Variants in WDPCP observed in about 807,000 individuals in gnomAD.
WDPCP encodes WD repeat containing planar cell polarity effector, also known as WD repeat-containing and planar cell polarity effector protein fritz homolog.
WDPCP carries 71 observed loss-of-function variants against 93.1 expected under a neutral mutation model. The observed-to-expected ratio is 0.76, with a 90% CI of 0.63 to 0.93. WDPCP has a LOEUF of 0.93. Ranked by LOEUF, WDPCP falls within the 40% of genes least tolerant of loss-of-function variation. The probability of loss-of-function intolerance (pLI) is 0.00; values close to 1 mark genes in which losing one functional copy is unlikely to be tolerated. For synonymous variants in WDPCP, 315 were observed against 315.0 expected (o/e 1.00, Z 0.00); for missense variants, 844 against 887.4 (o/e 0.95, Z 0.62).
At chr2:63,356,947 A>G (rs1690058642) in intron 12 of WDPCP, among the ~76,000 whole-genome samples, 1 of 152,214 alleles carries the variant, frequency 6.6e-6, no homozygotes, top group African/African-American at 2.4e-5. Flanking sequence ...AGTGAAACAG[A>G]AGAGAGAGAC....
At chr2:63,389,323 A>G (rs1427655394) in intron 10 of WDPCP, among the ~76,000 whole-genome samples, 1 of 152,210 alleles carries the variant, frequency 6.6e-6, no homozygotes, top group East Asian at 1.9e-4. Context: ...AAAAAGAAAT[A>G]AAATCCTTTA....
chr2:63,547,910 A>T (rs1454188860), intron 1 of WDPCP, among the ~76,000 whole-genome samples: 2 of 152,160 alleles, frequency 1.3e-5, no homozygotes, highest in Non-Finnish European at 2.9e-5. Context: ...TCTATTACAC[A>T]TTTCAAAATA....
intron 12 of WDPCP, among the ~76,000 whole-genome samples, chr2:63,330,724 T>G (rs770391206): frequency 1.6e-4 from 24 of 152,210 alleles, no homozygotes; most frequent in Non-Finnish European, 1.9e-4. Flanking sequence ...GTTTTATGTT[T>G]AAGTCTTTAA....
At chr2:63,776,074 TATACATACATACATACATAC>T (rs59262674) in intron 2 of WDPCP, among the ~76,000 whole-genome samples, 5 of 146,912 alleles carry the variant, frequency 3.4e-5, no homozygotes, top group African/African-American at 5.0e-5. Context: ...TAAATACACA[TATACATACATACATACATAC>T]ATACATACAT....
chr2:63,278,171 A>T, intron 13 of WDPCP, among the ~76,000 whole-genome samples: 1 of 152,280 alleles, frequency 6.6e-6, no homozygotes, highest in Non-Finnish European at 1.5e-5. Flanking sequence ...CTTTAGGTTA[A>T]CAATGAAATC....
intron 8 of WDPCP, among the ~76,000 whole-genome samples, chr2:63,435,525 A>G (rs1697077141): frequency 6.6e-6 from 1 of 152,154 alleles, no homozygotes; most frequent in African/African-American, 2.4e-5. Flanking sequence ...GATTTGCTGC[A>G]TAAGTGTGTT....
At chr2:63,626,725 G>A (rs1260610410) in intron 3 of WDPCP, among the ~76,000 whole-genome samples, 5 of 152,302 alleles carry the variant, frequency 3.3e-5, no homozygotes, top group African/African-American at 1.2e-4. Flanking sequence ...TACACTGTTG[G>A]TGGGAATGTA....
At chr2:63,515,407 C>A (rs1427689661) in intron 1 of WDPCP, among the ~76,000 whole-genome samples, 2 of 152,110 alleles carry the variant, frequency 1.3e-5, no homozygotes, top group South Asian at 2.1e-4. Context: ...ATGTGGCACA[C>A]TCAAAAGTAC....
chr2:63,592,809 G>C (rs867889103), upstream of WDPCP, among the ~76,000 whole-genome samples: 3 of 152,008 alleles, frequency 2.0e-5, no homozygotes, highest in South Asian at 6.2e-4. Flanking sequence ...GACAGGTGTT[G>C]TTCTAGGCAA....
rs1211422253 is a variant in WDPCP at position 63,588,279 on chromosome 2, C to T, written c.-8G>A. On this transcript the variant is annotated 5_prime_UTR_variant, in exon 1 of 18. Coordinates refer to ENST00000272321, the MANE Select transcript of WDPCP (RefSeq NM_015910.7). ...GCAAAACTCTCGCCTCATCACCAGA[C>T]ACTACCCCGGGCAGAAGGTTCCTAG... 1.9e-6 allele frequency: 3 copies of T among 1,571,050 alleles called. No homozygotes were observed. Among genetic ancestry groups the T allele is most frequent in the Middle Eastern group, 1.7e-4 (1 of 6,020 alleles).
upstream of WDPCP, chr2:63,589,054 TG>T (rs901789376): frequency 6.2e-7 from 1 of 1,614,072 alleles, no homozygotes; most frequent in Non-Finnish European, 8.5e-7. Context: ...ATGGTGAGTG[TG>T]GGCCCCGGGT....
chr2:63,608,010 T>A (rs1709572436), intron 3 of WDPCP, among the ~76,000 whole-genome samples: 1 of 152,162 alleles, frequency 6.6e-6, no homozygotes, highest in Non-Finnish European at 1.5e-5. Context: ...TGAATCAGTC[T>A]ATTTCAGCAT....
chr2:63,152,969 A>G, intron 16 of WDPCP, 24 bp from the exon 17 acceptor site: 1 of 1,608,892 alleles, frequency 6.2e-7, no homozygotes, highest in Non-Finnish European at 8.5e-7. Context: ...TTAAAACATT[A>G]ATTATCTTAA....
intron 17 of WDPCP, among the ~76,000 whole-genome samples, chr2:63,124,298 A>AT (rs879454077): frequency 3.1e-4 from 45 of 144,512 alleles, no homozygotes; most frequent in South Asian, 6.5e-4. Context: ...ACTGATCTTC[A>AT]TTTTTTTTTT....
intron 14 of WDPCP, among the ~76,000 whole-genome samples, chr2:63,200,762 T>C (rs1675844831): frequency 6.6e-6 from 1 of 152,120 alleles, no homozygotes; most frequent in Non-Finnish European, 1.5e-5. Flanking sequence ...CACAACAGGG[T>C]ATCTACGGTA....
At chr2:63,156,797 C>T (rs1403702236) in intron 15 of WDPCP, among the ~76,000 whole-genome samples, 4 of 152,142 alleles carry the variant, frequency 2.6e-5, no homozygotes, top group Non-Finnish European at 5.9e-5. Flanking sequence ...TATCTTGTGA[C>T]CTTGCTAAAT....
intron 6 of WDPCP, among the ~76,000 whole-genome samples, chr2:63,455,427 T>TAC (rs1483697864): frequency 8.3e-4 from 123 of 148,974 alleles, no homozygotes; most frequent in African/African-American, 2.9e-3. Flanking sequence ...TATATATATA[T>TAC]ATATATATAT....
At chr2:63,423,980 T>C (rs906049903) in intron 9 of WDPCP, among the ~76,000 whole-genome samples, 6 of 151,704 alleles carry the variant, frequency 4.0e-5, no homozygotes, top group African/African-American at 1.2e-4. Context: ...GAGAGGGATA[T>C]AGACACGAAG....
Position 63,469,842 on chromosome 2 carries a change from AC to A in WDPCP, c.384+14761del, listed in dbSNP as rs1429303136. On this transcript the variant is annotated intron_variant, in intron 6 of 17. Coordinates refer to ENST00000272321, the MANE Select transcript of WDPCP (RefSeq NM_015910.7). ...AACAAACCTGCACATGTACTCTTGA[AC>A]CTAAAATAAAAGTTTTTTAAAAAAT... 2.6e-5 allele frequency among the ~76,000 whole-genome samples: 4 copies of A among 152,256 alleles called. No homozygotes were observed. The East Asian group carries it at 7.7e-4, about 29-fold the overall frequency.
Sources: gnomAD v4.1 joint callset for allele counts (sites outside exome capture counted in the v4.1 genomes callset) on GRCh38, gnomAD v4.1.1 for gene constraint, MANE v1.5 for transcripts, NCBI Gene and HGNC (gene_info 2026-07-23, HGNC 2026-07-21) for gene names.